VWA8: variants seen among roughly 807,000 people sequenced by gnomAD.
VWA8 encodes von Willebrand factor A domain containing 8.
In VWA8, 221 loss-of-function variants were observed where a neutral mutation model predicts 241.5. That is an observed-to-expected ratio of 0.91 (90% CI 0.82 to 1.02). VWA8 has a LOEUF of 1.02. Ranked by LOEUF, VWA8 falls within the 50% of genes least tolerant of loss-of-function variation. The pLI, the probability that VWA8 is intolerant of heterozygous loss-of-function variation, is 0.00. For missense variants in VWA8, 2,322 were observed against 2,328.7 expected, an observed-to-expected ratio of 1.00 and a Z score of 0.06; for synonymous variants, 852 against 827.1, an observed-to-expected ratio of 1.03 and a Z score of -0.52.
intron 38 of VWA8, 102 bp from the exon 39 acceptor site, chr13:41,611,834 T>C: frequency 1.6e-6 from 2 of 1,281,870 alleles, no homozygotes; most frequent in Middle Eastern, 4.9e-4. Flanking sequence ...ATATTAATTG[T>C]ACTTAACTAG....
chr13:41,868,397 C>A lies in VWA8; in HGVS notation c.1161G>T (p.Val387=), dbSNP rs750955018. 6 of 1,613,966 alleles carry A rather than the reference C, an allele frequency of 3.7e-6. No individual in the cohort carries two copies. Among genetic ancestry groups the A allele is most frequent in the Admixed American group, 1.7e-5 (1 of 60,004 alleles). The stretch of plus-strand genomic sequence containing the variant: ...TCCGGATGGTCACAGAAGCTTGGGA[C>A]ACATGGTTTTCCATCATCTTCTCTA... The part of the protein sequence containing the change: ...VKVEKMMENH[V]SQASVTIRIA... The change falls in exon 10 of 45, where the codon GTG becomes GTT. Residue 387 remains valine (V), a synonymous_variant. Transcript: ENST00000379310.
chr13:41,736,786 G>A (rs932264775), intron 21 of VWA8, among the ~76,000 whole-genome samples: 1 of 149,496 alleles, frequency 6.7e-6, no homozygotes, highest in Non-Finnish European at 1.5e-5. Flanking sequence ...AGAAAGGAAA[G>A]ACAGAATATG....
rs78621687 is a variant in VWA8 at position 41,797,196 on chromosome 13, A to T, written c.2064-9653T>A. Among the ~76,000 whole-genome samples, 445 of 140,424 alleles carry T rather than the reference A, an allele frequency of 3.2e-3. 4 individuals are homozygous for T. The highest frequency in any genetic ancestry group is 4.9e-3 in the Non-Finnish European group (318 of 64,700). The allele number at this position is 140,424 out of a possible 152,430, so 92.1% of individuals were successfully genotyped here. A position where few individuals can be genotyped will look rare whatever the true frequency, so the allele number is the denominator to read the frequency against. Reference sequence around the variant, plus strand: ...CAGGCACGTGCCACCACACCCAAGTATTTTTTTTTTTTTTTTGGTATTTTT... The same window carrying T: ...CAGGCACGTGCCACCACACCCAAGTTTTTTTTTTTTTTTTTTGGTATTTTT... On this transcript the variant is annotated intron_variant, in intron 17 of 44. Transcript: ENST00000379310.
At chr13:41,728,691 T>C (rs932501078) in intron 23 of VWA8, among the ~76,000 whole-genome samples, 3 of 151,948 alleles carry the variant, frequency 2.0e-5, no homozygotes, top group Admixed American at 2.0e-4. Context: ...ATTGTGAAAC[T>C]GAAATATTAG....
intron 5 of VWA8, among the ~76,000 whole-genome samples, chr13:41,888,080 G>C (rs1403309730): frequency 6.6e-6 from 1 of 150,582 alleles, no homozygotes; most frequent in African/African-American, 2.5e-5. Flanking sequence ...TATACCTTTG[G>C]AACCTTAGCC....
At chr13:41,888,327 C>A (rs1209473918) in intron 5 of VWA8, among the ~76,000 whole-genome samples, 1 of 152,176 alleles carries the variant, frequency 6.6e-6, no homozygotes, top group Non-Finnish European at 1.5e-5. Context: ...CGGCTTTCAG[C>A]AATTCTTCAC....
At chr13:41,587,476 A>G in intron 42 of VWA8, 36 bp downstream of exon 42, 1 of 1,612,984 alleles carries the variant, frequency 6.2e-7, no homozygotes, top group African/African-American at 1.3e-5. Context: ...ATCATGGTCA[A>G]TGATGCCTCT....
At chr13:41,866,102 C>T (rs1158042551) in intron 10 of VWA8, 66 bp from the exon 11 acceptor site, 2 of 1,574,788 alleles carry the variant, frequency 1.3e-6, no homozygotes, top group Admixed American at 1.7e-5. Context: ...AATCCCAACA[C>T]TTTGGGAGGC....
At chr13:41,780,099 C>T (rs923540370) in intron 19 of VWA8, among the ~76,000 whole-genome samples, 1 of 152,142 alleles carries the variant, frequency 6.6e-6, no homozygotes, top group Non-Finnish European at 1.5e-5. Context: ...TACATGCTTC[C>T]CCTTGTATTC....
At chr13:41,772,368 T>C (rs1004087106) in intron 20 of VWA8, among the ~76,000 whole-genome samples, 18 of 152,104 alleles carry the variant, frequency 1.2e-4, no homozygotes, top group African/African-American at 4.3e-4. Context: ...ACAGCTGGCA[T>C]AGAAAAAATA....
intron 37 of VWA8, among the ~76,000 whole-genome samples, chr13:41,624,147 C>T (rs1317138212): frequency 6.6e-6 from 1 of 152,074 alleles, no homozygotes; most frequent in Non-Finnish European, 1.5e-5. Flanking sequence ...CTGAACAGAC[C>T]AATAACATGT....
rs1271782387 is a variant in VWA8, at chr13:41,863,751, T to C, written c.1425+1985A>G. On this transcript the variant is annotated intron_variant, in intron 12 of 44. Transcript: ENST00000379310. ...AGTCAAAACTGCATGTTCTCATAAGTGGGAGCTAAACATTGAGTACACATG... is the reference window on the plus strand; with the variant it reads ...AGTCAAAACTGCATGTTCTCATAAGCGGGAGCTAAACATTGAGTACACATG... 3.9e-5 allele frequency among the ~76,000 whole-genome samples: 6 copies of C among 152,114 alleles called. No individual in the cohort carries two copies. In the East Asian group the frequency reaches 1.2e-3, roughly 29 times the overall value.
intron 36 of VWA8, among the ~76,000 whole-genome samples, chr13:41,674,551 G>A (rs531178576): frequency 1.2e-3 from 176 of 152,304 alleles, no homozygotes; most frequent in Non-Finnish European, 1.9e-3. Context: ...GCAGGTGCAA[G>A]CTTAGGTTGG....
chr13:41,746,243 A>C (rs2045605802), intron 21 of VWA8, among the ~76,000 whole-genome samples: 1 of 152,240 alleles, frequency 6.6e-6, no homozygotes, highest in Admixed American at 6.5e-5. Flanking sequence ...AAAGGAATGT[A>C]GCTGTTCTCT....
chr13:41,640,656 C>A (rs1161229153), intron 37 of VWA8, among the ~76,000 whole-genome samples: 1 of 152,144 alleles, frequency 6.6e-6, no homozygotes, highest in Admixed American at 6.5e-5. Context: ...AAAAGTTTTA[C>A]CTAGTGATTT....
chr13:41,711,599 GCA>G (rs2045316487), intron 26 of VWA8, among the ~76,000 whole-genome samples: 1 of 152,188 alleles, frequency 6.6e-6, no homozygotes, highest in Admixed American at 6.5e-5. Context: ...TTCAGGCCGG[GCA>G]TGGTGGCTCA....
intron 1 of VWA8, among the ~76,000 whole-genome samples, chr13:41,953,335 G>C (rs1363683099): frequency 6.6e-6 from 1 of 152,144 alleles, no homozygotes; most frequent in Non-Finnish European, 1.5e-5. Context: ...ATTTATTTAA[G>C]TATTACTGCA....
chr13:41,652,323 T>C (rs527771052), intron 37 of VWA8, among the ~76,000 whole-genome samples: 1 of 152,354 alleles, frequency 6.6e-6, no homozygotes, highest in Non-Finnish European at 1.5e-5. Flanking sequence ...CTGAGTTAGA[T>C]AAACCTAGGC....
rs796873882 is a variant in VWA8 at position 41,573,484 on chromosome 13, A to ATATATATATATATATAT, written c.5370+2255_5370+2256insATATATATATATATATA. Reference sequence around the variant, plus strand: ...AGGGTGGCTATAGTTTAAAAAAAAAAAAATATATATATATATATATATACC... The same window carrying ATATATATATATATATAT: ...AGGGTGGCTATAGTTTAAAAAAAAAATATATATATATATATATAAATATATATATATATATATATACC... On this transcript the variant is annotated intron_variant, in intron 43 of 44. Coordinates refer to ENST00000379310, the MANE Select transcript of VWA8 (RefSeq NM_015058.2). Among the ~76,000 whole-genome samples, 67 of 116,980 alleles carry ATATATATATATATATAT rather than the reference A, an allele frequency of 5.7e-4. 1 individual carries two copies. The highest frequency in any genetic ancestry group is 2.4e-3 in the African/African-American group (65 of 26,732). The allele number at this position is 116,980 out of a possible 152,430, so 76.7% of individuals were successfully genotyped here.
Sources: gnomAD v4.1 joint callset for allele counts (sites outside exome capture counted in the v4.1 genomes callset) on GRCh38, gnomAD v4.1.1 for gene constraint, MANE v1.5 for transcripts, NCBI Gene and HGNC (gene_info 2026-07-23, HGNC 2026-07-21) for gene names.